Variants in PTPRD observed in about 807,000 individuals in gnomAD.
PTPRD encodes protein tyrosine phosphatase receptor type D, also known as receptor-type tyrosine-protein phosphatase delta.
PTPRD carries 34 observed loss-of-function variants against 214.5 expected under a neutral mutation model. That is an observed-to-expected ratio of 0.16 (90% CI 0.12 to 0.21). The LOEUF (loss-of-function observed/expected upper bound fraction) is 0.21, where lower values mean the gene tolerates loss of function less well. Ranked by LOEUF, PTPRD falls within the 10% of genes least tolerant of loss-of-function variation. The probability of loss-of-function intolerance (pLI) is 1.00; values close to 1 mark genes in which losing one functional copy is unlikely to be tolerated. For missense variants in PTPRD, 2,545 were observed against 2,398.7 expected, an observed-to-expected ratio of 1.06 and a Z score of -1.27; for synonymous variants, 1,128 against 845.7, an observed-to-expected ratio of 1.33 and a Z score of -5.79.
At chr9:8,832,588 A>G (rs1441541755) in intron 11 of PTPRD, among the ~76,000 whole-genome samples, 1 of 152,096 alleles carries the variant, frequency 6.6e-6, no homozygotes, top group African/African-American at 2.4e-5. Context: ...TATGAGAAAG[A>G]GAAAATTAAC....
intron 12 of PTPRD, among the ~76,000 whole-genome samples, chr9:8,683,610 A>G (rs1019949380): frequency 2.0e-5 from 3 of 152,082 alleles, no homozygotes; most frequent in African/African-American, 7.2e-5. Flanking sequence ...GGCAGGTCAT[A>G]TTTTCCAAAG....
intron 7 of PTPRD, among the ~76,000 whole-genome samples, chr9:9,592,537 G>A (rs2092837890): frequency 6.6e-6 from 1 of 151,976 alleles, no homozygotes; most frequent in Admixed American, 6.6e-5. Context: ...TATTTAATTT[G>A]GGAGAGGATT....
rs973956800 is a variant in PTPRD, at chr9:10,515,977, T to C, written c.-600+96421A>G. ...ACTACATTTTACTCATCCATTCATC[T>C]GTGGACATTTAGGTTGTTTCCACAT... On this transcript the variant is annotated intron_variant, in intron 2 of 45. Transcript: ENST00000381196. Among the ~76,000 whole-genome samples the C allele has an allele frequency of 5.3e-5, 8 of 152,116 alleles. No individual in the cohort carries two copies. In the East Asian group the frequency reaches 7.7e-4, roughly 15 times the overall value.
chr9:9,164,910 G>A (rs1021188494), intron 10 of PTPRD, among the ~76,000 whole-genome samples: 5 of 149,076 alleles, frequency 3.4e-5, no homozygotes, highest in African/African-American at 7.3e-5. Flanking sequence ...GAAATTAGCC[G>A]GGTGTGGTGG....
At chr9:9,763,365 C>T (rs1233416181) in intron 6 of PTPRD, among the ~76,000 whole-genome samples, 1 of 151,986 alleles carries the variant, frequency 6.6e-6, no homozygotes, top group African/African-American at 2.4e-5. Flanking sequence ...GACTGAGTAC[C>T]CATCCATATG....
At chr9:8,557,205 G>C (rs562728816) in intron 14 of PTPRD, among the ~76,000 whole-genome samples, 1 of 151,778 alleles carries the variant, frequency 6.6e-6, no homozygotes, top group Admixed American at 6.6e-5. Flanking sequence ...CCACTCTGGC[G>C]CCATGAATAC....
intron 9 of PTPRD, among the ~76,000 whole-genome samples, chr9:9,287,017 G>A (rs1370556787): frequency 6.8e-6 from 1 of 147,634 alleles, no homozygotes; most frequent in Non-Finnish European, 1.5e-5. Flanking sequence ...TTGAGGTCAG[G>A]AGTTCAAGAC....
chr9:9,078,298 G>C (rs1415402094), intron 10 of PTPRD, among the ~76,000 whole-genome samples: 1 of 152,074 alleles, frequency 6.6e-6, no homozygotes, highest in African/African-American at 2.4e-5. Flanking sequence ...AAGAATTTCT[G>C]AGTTCTGCTG....
intron 33 of PTPRD, among the ~76,000 whole-genome samples, chr9:8,456,218 A>C: frequency 6.6e-6 from 1 of 152,188 alleles, no homozygotes; most frequent in East Asian, 1.9e-4. Flanking sequence ...GTGGAGGCAA[A>C]GTGCCAAGAA....
At chr9:8,642,462 G>T (rs1260869131) in intron 12 of PTPRD, among the ~76,000 whole-genome samples, 4 of 152,314 alleles carry the variant, frequency 2.6e-5, no homozygotes, top group Admixed American at 2.0e-4. Flanking sequence ...AGAATGTTCA[G>T]TGGGAACATG....
intron 9 of PTPRD, among the ~76,000 whole-genome samples, chr9:9,292,004 T>A (rs1951317778): frequency 6.6e-6 from 1 of 151,134 alleles, no homozygotes; most frequent in Non-Finnish European, 1.5e-5. Flanking sequence ...TAGTAAGAGG[T>A]TTCCCAATCT....
intron 9 of PTPRD, among the ~76,000 whole-genome samples, chr9:9,336,807 T>C (rs2044681616): frequency 6.6e-6 from 1 of 152,200 alleles, no homozygotes; most frequent in Admixed American, 6.6e-5. Flanking sequence ...ATTATGATTA[T>C]TAAATTATTT....
chr9:9,994,314 A>T (rs1000533081), intron 4 of PTPRD, among the ~76,000 whole-genome samples: 2 of 152,172 alleles, frequency 1.3e-5, no homozygotes, highest in Non-Finnish European at 2.9e-5. Context: ...ATGGATATTA[A>T]ATTTGTAAGA....
At chr9:8,354,762 G>A (rs1488484835) in intron 39 of PTPRD, among the ~76,000 whole-genome samples, 2 of 152,160 alleles carry the variant, frequency 1.3e-5, no homozygotes, top group East Asian at 1.9e-4. Flanking sequence ...TTCCACCAAT[G>A]GGAGTTTTAC....
chr9:9,857,317 C>T (rs1445999422), intron 5 of PTPRD, among the ~76,000 whole-genome samples: 1 of 152,166 alleles, frequency 6.6e-6, no homozygotes, highest in Non-Finnish European at 1.5e-5. Context: ...CATCATTCTG[C>T]TACTTCCAAT....
chr9:8,634,712 A>T lies in PTPRD; in HGVS notation c.211-1254T>A, dbSNP rs894377497. On this transcript the variant is annotated intron_variant, in intron 13 of 45. Coordinates refer to ENST00000381196, the MANE Select transcript of PTPRD (RefSeq NM_002839.4). Reference sequence around the variant, plus strand: ...GTTAAGCATTCCATAATTTTAAAAAAGTTATTTATGATCATTTTATGATTT... The same window carrying T: ...GTTAAGCATTCCATAATTTTAAAAATGTTATTTATGATCATTTTATGATTT... Among the ~76,000 whole-genome samples the T allele has an allele frequency of 5.3e-5, 8 of 152,176 alleles. No homozygotes were observed. In the South Asian group the frequency reaches 8.3e-4, roughly 16 times the overall value.
intron 8 of PTPRD, among the ~76,000 whole-genome samples, chr9:9,474,340 C>T (rs187356346): frequency 2.6e-4 from 40 of 151,834 alleles, no homozygotes; most frequent in African/African-American, 8.9e-4. Context: ...AATATCATGC[C>T]GTATTGATTA....
intron 5 of PTPRD, among the ~76,000 whole-genome samples, chr9:9,922,542 A>G (rs1163645791): frequency 6.6e-6 from 1 of 152,108 alleles, no homozygotes; most frequent in South Asian, 2.1e-4. Flanking sequence ...CTACAGTAAC[A>G]ACTAAAAAGG....
chr9:8,636,868 A>G, intron 12 of PTPRD, 24 bp from the exon 13 acceptor site: 1 of 1,606,634 alleles, frequency 6.2e-7, no homozygotes, highest in Non-Finnish European at 8.5e-7. Context: ...TAAACATCAC[A>G]GTTAAATTGA....
Sources: allele counts gnomAD v4.1 joint callset (sites outside exome capture counted in the v4.1 genomes callset), GRCh38; gene constraint gnomAD v4.1.1; transcripts MANE v1.5; gene names NCBI Gene and HGNC (gene_info 2026-07-23, HGNC 2026-07-21).